Variants in ACTR3C observed in about 807,000 individuals in gnomAD.
ACTR3C encodes the protein actin-related protein 3C.
ACTR3C carries 18 observed loss-of-function variants against 26.3 expected under a neutral mutation model. The observed-to-expected ratio is 0.68, with a 90% CI of 0.47 to 1.01. The LOEUF is 1.01. Ranked by LOEUF, ACTR3C falls within the 50% of genes least tolerant of loss-of-function variation. The probability of loss-of-function intolerance (pLI) is 0.00; values close to 1 mark genes in which losing one functional copy is unlikely to be tolerated. For synonymous variants in ACTR3C, 55 were observed against 94.5 expected, an observed-to-expected ratio of 0.58 and a Z score of 2.42; for missense variants, 184 against 250.7, an observed-to-expected ratio of 0.73 and a Z score of 1.80.
At chr7:149,970,555 C>T in the ACTR3C span, among the ~76,000 whole-genome samples, 1 of 152,308 alleles carries the variant, frequency 6.6e-6, no homozygotes, top group East Asian at 1.9e-4. Context: ...ATGTTAATAG[C>T]ACCACTCTTC....
At chr7:149,919,691 G>A in the ACTR3C span, among the ~76,000 whole-genome samples, 3 of 152,056 alleles carry the variant, frequency 2.0e-5, no homozygotes, top group Non-Finnish European at 4.4e-5. Flanking sequence ...AGTCTTACTC[G>A]TTTTAACTTT....
chr7:150,215,587 A>G, the ACTR3C span, among the ~76,000 whole-genome samples: 1 of 152,232 alleles, frequency 6.6e-6, no homozygotes, highest in Non-Finnish European at 1.5e-5. Flanking sequence ...AGGTTCGTGG[A>G]CTAATAACTC....
the ACTR3C span, among the ~76,000 whole-genome samples, chr7:149,985,250 A>ACACACACACC: frequency 2.0e-5 from 3 of 149,306 alleles, no homozygotes; most frequent in African/African-American, 7.5e-5. Context: ...ACACACACAC[A>ACACACACACC]CACACGAAAC....
chr7:149,945,045 C>T, the ACTR3C span, among the ~76,000 whole-genome samples: 1 of 151,856 alleles, frequency 6.6e-6, no homozygotes, highest in Non-Finnish European at 1.5e-5. Context: ...CCTGCCTCCT[C>T]AGCCCCAGGG....
At chr7:150,216,724 C>A in the ACTR3C span, among the ~76,000 whole-genome samples, 2 of 151,978 alleles carry the variant, frequency 1.3e-5, no homozygotes, top group Non-Finnish European at 2.9e-5. Flanking sequence ...CGGTGGCTCA[C>A]GCCTGTAATC....
At chr7:150,165,246 T>C in the ACTR3C span, among the ~76,000 whole-genome samples, 2 of 152,098 alleles carry the variant, frequency 1.3e-5, no homozygotes, top group Admixed American at 6.5e-5. Flanking sequence ...TTCTGTGAAT[T>C]TTCCCCTCTG....
chr7:150,081,462 T>A, the ACTR3C span, among the ~76,000 whole-genome samples: 5 of 151,486 alleles, frequency 3.3e-5, no homozygotes, highest in Non-Finnish European at 7.4e-5. Context: ...TTAAAGAAGA[T>A]AACAGACTCT....
chr7:150,192,507 G>A, the ACTR3C span, among the ~76,000 whole-genome samples: 6 of 152,182 alleles, frequency 3.9e-5, no homozygotes, highest in African/African-American at 1.2e-4. Context: ...TCGCTCTGTT[G>A]CCCAGGCTGG....
the ACTR3C span, among the ~76,000 whole-genome samples, chr7:150,054,462 T>C: frequency 6.6e-6 from 1 of 152,218 alleles, no homozygotes; most frequent in Admixed American, 6.5e-5. Context: ...TGCACTCTGA[T>C]GATCCACCAT....
intron 6 of ACTR3C, among the ~76,000 whole-genome samples, chr7:150,271,404 C>T (rs1423165800): frequency 6.6e-6 from 1 of 151,138 alleles, no homozygotes; most frequent in Non-Finnish European, 1.5e-5. Context: ...TCTCATTGTT[C>T]AACTCCCACT....
the ACTR3C span, among the ~76,000 whole-genome samples, chr7:150,168,928 A>G: frequency 6.6e-6 from 1 of 150,830 alleles, no homozygotes; most frequent in African/African-American, 2.5e-5. Flanking sequence ...TAGCTGTTGG[A>G]TGCTATCGGC....
rs534886367 is a variant in ACTR3C at position 150,309,908 on chromosome 7, C to T, written c.-52+13561G>A. Among the ~76,000 whole-genome samples the T allele has an allele frequency of 2.0e-4, 30 of 152,164 alleles. No individual in the cohort carries two copies. The South Asian group carries it at 5.6e-3, about 28-fold the overall frequency. On this transcript the variant is annotated intron_variant, in intron 1 of 7. Transcript: ENST00000683684. ...TAACTTTTACAGTGGAGGGTAAGTCCGTCCCCTTTTTAATTGATATGGAGG... is the reference window on the plus strand; with the variant it reads ...TAACTTTTACAGTGGAGGGTAAGTCTGTCCCCTTTTTAATTGATATGGAGG...
At chr7:150,147,553 C>G in the ACTR3C span, among the ~76,000 whole-genome samples, 1 of 152,036 alleles carries the variant, frequency 6.6e-6, no homozygotes, top group Non-Finnish European at 1.5e-5. Flanking sequence ...TTCATCCATC[C>G]TCCTTATAAA....
intron 6 of ACTR3C, among the ~76,000 whole-genome samples, chr7:150,263,440 A>G (rs1224582762): frequency 1.4e-5 from 2 of 147,758 alleles, no homozygotes; most frequent in African/African-American, 5.0e-5. Flanking sequence ...AGAAAGTACA[A>G]TGTTGCCGCT....
the ACTR3C span, among the ~76,000 whole-genome samples, chr7:150,190,819 A>G: frequency 1.3e-5 from 2 of 152,340 alleles, no homozygotes; most frequent in South Asian, 4.1e-4. Flanking sequence ...GGGAGGCCTC[A>G]GGAAACTTAC....
chr7:149,927,433 A>T, the ACTR3C span, among the ~76,000 whole-genome samples: 2 of 137,980 alleles, frequency 1.4e-5, no homozygotes, highest in African/African-American at 3.2e-5. Flanking sequence ...GACTATTTAA[A>T]AAAAAAAAAA....
the ACTR3C span, among the ~76,000 whole-genome samples, chr7:150,029,678 G>T: frequency 6.6e-6 from 1 of 152,018 alleles, no homozygotes; most frequent in African/African-American, 2.4e-5. Context: ...AATCTCATGT[G>T]TCTGCTTCCA....
chr7:149,979,738 A>C, the ACTR3C span, among the ~76,000 whole-genome samples: 1 of 151,370 alleles, frequency 6.6e-6, no homozygotes, highest in Non-Finnish European at 1.5e-5. Flanking sequence ...AAATATGTGC[A>C]CTAGATCAAG....
At chr7:149,957,677 C>T in the ACTR3C span, among the ~76,000 whole-genome samples, 133 of 151,980 alleles carry the variant, frequency 8.8e-4, no homozygotes, top group African/African-American at 3.0e-3. Context: ...ACACTGCCAG[C>T]TTCCCCCATT....
Sources: allele counts gnomAD v4.1 joint callset (sites outside exome capture counted in the v4.1 genomes callset), GRCh38; gene constraint gnomAD v4.1.1; transcripts MANE v1.5; gene names NCBI Gene and HGNC (gene_info 2026-07-23, HGNC 2026-07-21).